The following ALK variants were observed in gnomAD, a reference collection of about 807,000 sequenced individuals.
ALK encodes ALK receptor tyrosine kinase.
ALK carries 74 observed loss-of-function variants against 163.1 expected under a neutral mutation model. The observed-to-expected ratio is 0.45, with a 90% CI of 0.38 to 0.55. The LOEUF is 0.55. ALK is among the 20% of genes least tolerant of loss of function. ALK has a pLI of 0.00. For missense variants in ALK, 2,063 were observed against 2,105.3 expected (o/e 0.98, Z 0.39); for synonymous variants, 960 against 843.2 (o/e 1.14, Z -2.40).
chr2:29,399,734 G>A (rs1221051452), intron 4 of ALK, among the ~76,000 whole-genome samples: 4 of 152,130 alleles, frequency 2.6e-5, no homozygotes, highest in Non-Finnish European at 5.9e-5. Flanking sequence ...CCTTTGGTAG[G>A]GGCATGAGAG....
At position 29,211,550 on chromosome 2, in the gene ALK, A is replaced by T. The variant is rs546354781; in HGVS notation, c.3744-1672T>A. Among the ~76,000 whole-genome samples, 132 of 152,294 alleles carry T rather than the reference A, an allele frequency of 8.7e-4. 1 individual carries two copies. The highest frequency in any genetic ancestry group is 3.3e-3 in the South Asian group (16 of 4,828). The stretch of plus-strand genomic sequence containing the variant: ...CAAAGGAAAAAGATCCAATTTTTTT[A>T]AAAAAATGGAAGCATGTGGATCTGG... On this transcript the variant is annotated intron_variant, in intron 24 of 28. Transcript: ENST00000389048.
intron 23 of ALK, among the ~76,000 whole-genome samples, chr2:29,218,730 G>C (rs571898271): frequency 3.3e-5 from 5 of 152,352 alleles, no homozygotes; most frequent in African/African-American, 1.2e-4. Flanking sequence ...GCCTCAGGAA[G>C]GTCCAGTGGG....
intron 1 of ALK, among the ~76,000 whole-genome samples, chr2:29,830,713 TAAAAAAAAAAAAAAAAAAA>T (rs530774574): frequency 8.6e-4 from 25 of 29,000 alleles, no homozygotes; most frequent in East Asian, 2.2e-3. Flanking sequence ...TAAAATAGTT[TAAAAAAAAAAAAAAAAAAA>T]AAAAAAAAAA....
In ALK at chr2:29,921,518, C is replaced by T. The variant is rs1438444148; in HGVS notation, c.-859G>A. 8.6e-6 allele frequency: 2 copies of T among 231,828 alleles called. No individual in the cohort carries two copies. The highest frequency in any genetic ancestry group is 5.6e-5 in the Admixed American group (1 of 17,734). The allele number at this position is 231,828 out of a possible 1,614,324, so 14.4% of individuals were successfully genotyped here. On this transcript the variant is annotated 5_prime_UTR_variant, in exon 1 of 29. Coordinates refer to ENST00000389048, the MANE Select transcript of ALK (RefSeq NM_004304.5). The stretch of plus-strand genomic sequence containing the variant: ...AGCACCTCGGTGCCCCGCGACCCTC[C>T]GAACAGAGGCGGCGGGAGGTACCAG...
At chr2:29,716,383 G>A (rs1679254015) in intron 2 of ALK, among the ~76,000 whole-genome samples, 1 of 152,216 alleles carries the variant, frequency 6.6e-6, no homozygotes, top group Admixed American at 6.5e-5. Flanking sequence ...GCAAAGCTTA[G>A]TGTCTGTCCT....
At chr2:29,872,502 T>C (rs1056631577) in intron 1 of ALK, among the ~76,000 whole-genome samples, 1 of 152,242 alleles carries the variant, frequency 6.6e-6, no homozygotes, top group African/African-American at 2.4e-5. Context: ...ACACTTACAT[T>C]AGCCCACAGT....
intron 1 of ALK, among the ~76,000 whole-genome samples, chr2:29,736,285 A>T (rs558337635): frequency 6.6e-6 from 1 of 152,162 alleles, no homozygotes; most frequent in Non-Finnish European, 1.5e-5. Context: ...GAAATGCACC[A>T]ATTAACAGTA....
At chr2:29,684,159 G>A (rs1296619392) in intron 3 of ALK, among the ~76,000 whole-genome samples, 2 of 152,114 alleles carry the variant, frequency 1.3e-5, no homozygotes, top group Admixed American at 6.6e-5. Context: ...TTCTTAAGCA[G>A]AGCCCATTTT....
chr2:29,677,283 CCCCTT>C (rs1365938710), intron 3 of ALK, among the ~76,000 whole-genome samples: 23 of 127,474 alleles, frequency 1.8e-4, no homozygotes, highest in Admixed American at 2.6e-4. Flanking sequence ...CCCATCCCCT[CCCCTT>C]CCCTTCCCTT....
intron 12 of ALK, among the ~76,000 whole-genome samples, chr2:29,241,719 C>T (rs1254747713): frequency 6.6e-6 from 1 of 152,088 alleles, no homozygotes; most frequent in Non-Finnish European, 1.5e-5. Flanking sequence ...GGGCTGTGGG[C>T]TGATTACCAG....
intron 9 of ALK, 30 bp downstream of exon 9, chr2:29,296,858 A>C (rs1272085000): frequency 6.2e-7 from 1 of 1,613,738 alleles, no homozygotes; most frequent in African/African-American, 1.3e-5. Flanking sequence ...ATAGAGGAGA[A>C]GGGTATTGGG....
intron 3 of ALK, among the ~76,000 whole-genome samples, chr2:29,660,638 G>A (rs1460957013): frequency 6.6e-6 from 1 of 151,024 alleles, no homozygotes; most frequent in African/African-American, 2.4e-5. Context: ...AGAAGGTGGG[G>A]AGAGGAAAAG....
intron 23 of ALK, among the ~76,000 whole-genome samples, chr2:29,216,284 A>ATCTT (rs1260810715): frequency 3.1e-4 from 47 of 151,954 alleles, no homozygotes; most frequent in Admixed American, 6.6e-5. Context: ...AGAGCGAAAT[A>ATCTT]TCTTTTTGCT....
chr2:29,766,454 T>A (rs1383746486), intron 1 of ALK, among the ~76,000 whole-genome samples: 3 of 152,194 alleles, frequency 2.0e-5, no homozygotes, highest in Non-Finnish European at 4.4e-5. Flanking sequence ...TATTTGAGTA[T>A]TGACTCCCCA....
chr2:29,855,149 T>A (rs1215609188), intron 1 of ALK, among the ~76,000 whole-genome samples: 1 of 152,240 alleles, frequency 6.6e-6, no homozygotes, highest in Non-Finnish European at 1.5e-5. Flanking sequence ...ACTCAATCAA[T>A]ATTTATTGAA....
intron 1 of ALK, among the ~76,000 whole-genome samples, chr2:29,810,892 C>G (rs1664741080): frequency 6.6e-6 from 1 of 152,068 alleles, no homozygotes; most frequent in South Asian, 2.1e-4. Flanking sequence ...AGGGAGCTTT[C>G]TCTCTGCACA....
At chr2:29,251,750 G>T (rs137916647) in intron 11 of ALK, among the ~76,000 whole-genome samples, 218 of 152,312 alleles carry the variant, frequency 1.4e-3, no homozygotes, top group East Asian at 3.1e-3. Flanking sequence ...CAACTAACCT[G>T]CTCCCAAAGG....
chr2:29,484,967 T>C (rs1328275730), intron 4 of ALK, among the ~76,000 whole-genome samples: 3 of 152,224 alleles, frequency 2.0e-5, no homozygotes, highest in Non-Finnish European at 4.4e-5. Context: ...GTGTTTTTTT[T>C]CTTTACTTTT....
intron 3 of ALK, among the ~76,000 whole-genome samples, chr2:29,643,624 G>T (rs1676784193): frequency 1.3e-5 from 2 of 152,158 alleles, no homozygotes; most frequent in African/African-American, 4.8e-5. Context: ...CAGTGGGGAG[G>T]CCATTTATAA....
Sources: gnomAD v4.1 joint callset for allele counts (sites outside exome capture counted in the v4.1 genomes callset) on GRCh38, gnomAD v4.1.1 for gene constraint, MANE v1.5 for transcripts, NCBI Gene and HGNC (gene_info 2026-07-23, HGNC 2026-07-21) for gene names.